MEPE: variants seen among roughly 807,000 people sequenced by gnomAD.
MEPE encodes the protein matrix extracellular phosphoglycoprotein.
Under a neutral mutation model 7.3 loss-of-function variants are expected in MEPE, and 7 were observed. The observed-to-expected ratio is 0.95, with a 90% CI of 0.54 to 1.79. The LOEUF (loss-of-function observed/expected upper bound fraction) is 1.79. MEPE is among the 40% of genes most tolerant of loss of function. The pLI, the probability that MEPE is intolerant of heterozygous loss-of-function variation, is 0.00. For missense variants in MEPE, 623 were observed against 628.2 expected (o/e 0.99, Z 0.09); for synonymous variants, 214 against 213.1 (o/e 1.00, Z -0.04).
chr4:87,846,569 C>A lies in MEPE; in HGVS notation c.*123C>A. 2.7e-6 allele frequency: 3 copies of A among 1,106,448 alleles called. No homozygotes were observed. Among genetic ancestry groups the A allele is most frequent in the Non-Finnish European group, 3.8e-6 (3 of 783,194 alleles). 68.5% of individuals were successfully genotyped at this position (1,106,448 alleles called of 1,614,324 possible). A position where few individuals can be genotyped will look rare whatever the true frequency, so the allele number is the denominator to read the frequency against. On this transcript the variant is annotated 3_prime_UTR_variant, in exon 4 of 4. Coordinates refer to ENST00000361056, the MANE Select transcript of MEPE (RefSeq NM_020203.6). ...GGATAGAGTGAAGAACTGAGTGAGC[C>A]AAGAATCCTGGTCTCCTTGGGGGAA...
At chr4:87,832,205 A>C (rs1161266831), upstream of MEPE, among the ~76,000 whole-genome samples, 1 of 152,016 alleles carries the variant, frequency 6.6e-6, no homozygotes, top group African/African-American at 2.4e-5. Context: ...TTCATGACTT[A>C]ATCACCTTCT....
intron 2 of MEPE, among the ~76,000 whole-genome samples, chr4:87,836,588 T>C (rs1057422593): frequency 6.6e-6 from 1 of 152,194 alleles, no homozygotes; most frequent in African/African-American, 2.4e-5. Flanking sequence ...TTGTCCAAAT[T>C]TATATTCACA....
chr4:87,835,920 A>G (rs1167278937), intron 2 of MEPE, among the ~76,000 whole-genome samples: 2 of 152,114 alleles, frequency 1.3e-5, no homozygotes, highest in Non-Finnish European at 2.9e-5. Flanking sequence ...CTATGTCAAC[A>G]TTGATTCAGT....
intron 3 of MEPE, among the ~76,000 whole-genome samples, chr4:87,843,978 G>C (rs900287089): frequency 1.3e-5 from 2 of 152,172 alleles, no homozygotes; most frequent in Admixed American, 1.3e-4. Context: ...GGCTACCATA[G>C]CTTAGGATTC....
chr4:87,822,861 C>T (rs1481788652), intron 1 of MEPE, among the ~76,000 whole-genome samples: 1 of 152,158 alleles, frequency 6.6e-6, no homozygotes, highest in East Asian at 1.9e-4. Context: ...GCTTGCTTAT[C>T]CTTTCCTGCT....
At chr4:87,822,692 A>G (rs908775457) in intron 1 of MEPE, among the ~76,000 whole-genome samples, 6 of 152,156 alleles carry the variant, frequency 3.9e-5, no homozygotes, top group African/African-American at 1.4e-4. Flanking sequence ...TTAGCCAAAT[A>G]GGTATACTCA....
intron 2 of MEPE, among the ~76,000 whole-genome samples, chr4:87,836,413 A>G (rs1212531342): frequency 1.3e-5 from 2 of 150,098 alleles, no homozygotes; most frequent in African/African-American, 4.9e-5. Flanking sequence ...TCTAATCCAT[A>G]TGTGTGTGTG....
chr4:87,840,014 TCAGGAC>T, intron 3 of MEPE: 3 of 1,535,446 alleles, frequency 2.0e-6, no homozygotes, highest in Non-Finnish European at 2.6e-6. Flanking sequence ...TCGCTCTGCT[TCAGGAC>T]CTGTGGCTGC....
intron 1 of MEPE, among the ~76,000 whole-genome samples, chr4:87,826,206 C>T (rs1722459884): frequency 7.0e-6 from 1 of 143,068 alleles, no homozygotes; most frequent in African/African-American, 2.7e-5. Flanking sequence ...TAATAGAATG[C>T]TTTATATTCT....
chr4:87,844,459 G>A (rs372210382), intron 3 of MEPE, among the ~76,000 whole-genome samples: 140 of 152,182 alleles, frequency 9.2e-4, no homozygotes, highest in South Asian at 6.9e-3. Context: ...ACTTTTAAAT[G>A]TCAGAAGATT....
chr4:87,826,265 C>T (rs1054464595), intron 1 of MEPE, among the ~76,000 whole-genome samples: 1 of 150,852 alleles, frequency 6.6e-6, no homozygotes, highest in African/African-American at 2.4e-5. Flanking sequence ...TGTCATCAGG[C>T]AGGGGTGCAG....
intron 3 of MEPE, among the ~76,000 whole-genome samples, chr4:87,840,306 C>A (rs1441586101): frequency 6.6e-6 from 1 of 152,160 alleles, no homozygotes; most frequent in African/African-American, 2.4e-5. Context: ...GACAATAATT[C>A]TTTTCACTCA....
In MEPE at chr4:87,845,721, T is replaced by C. The variant is rs138823925; in HGVS notation, c.853T>C (p.Phe285Leu). Residue 285 changes from phenylalanine (F) to leucine (L), a missense_variant, in exon 4 of 4, where the codon TTT (phenylalanine) becomes CTT (leucine). Transcript: ENST00000361056. The stretch of plus-strand genomic sequence containing the variant: ...AGAAGGCAAAGATATTCAAACAGGG[T>C]TTGCAGGCCCAAGTGAAGCTGAGAG... ...DLEGKDIQTG[F>L]AGPSEAESTH... 3 of 1,613,600 alleles carry C rather than the reference T, an allele frequency of 1.9e-6. No homozygotes were observed. Among genetic ancestry groups the C allele is most frequent in the African/African-American group, 2.7e-5 (2 of 74,822 alleles).
intron 1 of MEPE, among the ~76,000 whole-genome samples, chr4:87,833,889 A>G (rs1722678738): frequency 6.6e-6 from 1 of 152,230 alleles, no homozygotes; most frequent in South Asian, 2.1e-4. Context: ...AAAAGAATAG[A>G]AAGTTATTTA....
At chr4:87,833,264 C>G (rs747475790) in intron 1 of MEPE, among the ~76,000 whole-genome samples, 6 of 152,004 alleles carry the variant, frequency 3.9e-5, no homozygotes, top group African/African-American at 1.5e-4. Flanking sequence ...TTATCAAGAT[C>G]CACAGTAACT....
chr4:87,845,931 G>A lies in MEPE; in HGVS notation c.1063G>A (p.Gly355Arg). ...TNFKELPGRE[G>R]NRVDAGSQNA... ...TTTTAAGGAGCTCCCTGGAAGAGAA[G>A]GAAACAGAGTGGATGCTGGCAGCCA... The change falls in exon 4 of 4, where the codon GGA (glycine) becomes AGA (arginine). Residue 355 changes from glycine (G) to arginine (R), a missense_variant. Transcript: ENST00000361056. The A allele has an allele frequency of 6.2e-7, 1 of 1,613,924 alleles. No homozygotes were observed. Among genetic ancestry groups the A allele is most frequent in the Middle Eastern group, 1.7e-4 (1 of 6,058 alleles).
At chr4:87,834,511 A>C (rs571528654) in intron 1 of MEPE, among the ~76,000 whole-genome samples, 192 bp from the exon 2 acceptor site, 1 of 152,370 alleles carries the variant, frequency 6.6e-6, no homozygotes, top group East Asian at 1.9e-4. Context: ...ATAACTAGAC[A>C]TATGAAAGTT....
intron 3 of MEPE, among the ~76,000 whole-genome samples, chr4:87,842,511 G>A (rs994283451): frequency 1.3e-5 from 2 of 152,160 alleles, no homozygotes; most frequent in Non-Finnish European, 2.9e-5. Flanking sequence ...TGGATGCCCC[G>A]TGCTTGGGGT....
At chr4:87,833,195 AATC>A (rs769286543) in intron 1 of MEPE, among the ~76,000 whole-genome samples, 181 bp downstream of exon 1, 7 of 152,172 alleles carry the variant, frequency 4.6e-5, no homozygotes, top group Non-Finnish European at 7.3e-5. Context: ...ATGCTCTAGA[AATC>A]ATCAACTAAA....
Sources: gnomAD v4.1 joint callset for allele counts (sites outside exome capture counted in the v4.1 genomes callset) on GRCh38, gnomAD v4.1.1 for gene constraint, MANE v1.5 for transcripts, NCBI Gene and HGNC (gene_info 2026-07-23, HGNC 2026-07-21) for gene names.